Variants in CENPP observed in about 807,000 individuals in gnomAD.
CENPP encodes the protein centromere protein P.
CENPP carries 24 observed loss-of-function variants against 35.6 expected under a neutral mutation model. The observed-to-expected ratio is 0.67, with a 90% CI of 0.49 to 0.95. The LOEUF (loss-of-function observed/expected upper bound fraction) is 0.95, where lower values mean the gene tolerates loss of function less well. Among genes scored for constraint, CENPP ranks in the 40% least tolerant of loss-of-function variants. The probability of loss-of-function intolerance (pLI) is 0.00; values close to 1 mark genes in which losing one functional copy is unlikely to be tolerated. For missense variants in CENPP, 332 were observed against 345.3 expected (o/e 0.96, Z 0.31); for synonymous variants, 120 against 125.5 (o/e 0.96, Z 0.29).
intron 5 of CENPP, among the ~76,000 whole-genome samples, chr9:92,414,024 T>C (rs1205484467): frequency 6.6e-6 from 1 of 152,208 alleles, no homozygotes; most frequent in Non-Finnish European, 1.5e-5. Context: ...TTGTCCCTTA[T>C]CTGAGAAATT....
chr9:92,559,591 G>C (rs1195093567), intron 5 of CENPP, among the ~76,000 whole-genome samples: 3 of 152,274 alleles, frequency 2.0e-5, no homozygotes, highest in East Asian at 1.9e-4. Context: ...CAGGCCTCCA[G>C]ATGATGGTCT....
rs1397096135 is a variant in CENPP at position 92,614,914 on chromosome 9, C to G, written c.*1765C>G. 2.0e-5 allele frequency: 3 copies of G among 152,502 alleles called. No individual in the cohort carries two copies. Among genetic ancestry groups the G allele is most frequent in the Admixed American group, 1.3e-4 (2 of 15,280 alleles). The allele number at this position is 152,502 out of a possible 1,614,324, so 9.4% of individuals were successfully genotyped here. A position where few individuals can be genotyped will look rare whatever the true frequency, so the allele number is the denominator to read the frequency against. On this transcript the variant is annotated 3_prime_UTR_variant, in exon 8 of 8. Transcript: ENST00000375587. ...AGGGAGAGGCCACGGGGCCCAAAAA[C>G]GCAACACGTCTCAAGGCAAACCCGA...
chr9:92,517,897 A>C (rs1847824665), intron 5 of CENPP: 1 of 1,613,140 alleles, frequency 6.2e-7, no homozygotes, highest in Non-Finnish European at 8.5e-7. Context: ...CAAAAGCACA[A>C]ATTTAAATTT....
intron 5 of CENPP, among the ~76,000 whole-genome samples, chr9:92,492,722 C>T (rs1013467799): frequency 2.6e-5 from 4 of 152,162 alleles, no homozygotes; most frequent in Non-Finnish European, 5.9e-5. Flanking sequence ...GACTTTCCAT[C>T]CAAATTCTAA....
chr9:92,462,263 C>T (rs1845143185), intron 5 of CENPP, among the ~76,000 whole-genome samples: 1 of 152,230 alleles, frequency 6.6e-6, no homozygotes. Context: ...CAGGCATGAG[C>T]CACTGTGCCT....
chr9:92,368,286 G>A (rs1485957282), intron 4 of CENPP, among the ~76,000 whole-genome samples: 1 of 152,078 alleles, frequency 6.6e-6, no homozygotes, highest in East Asian at 1.9e-4. Context: ...TTACCTTCAA[G>A]ACCTGGACAC....
chr9:92,363,348 A>G (rs985737670), intron 4 of CENPP, among the ~76,000 whole-genome samples: 1 of 152,220 alleles, frequency 6.6e-6, no homozygotes, highest in African/African-American at 2.4e-5. Flanking sequence ...GACAGACTGC[A>G]TATACAAAGG....
intron 5 of CENPP, among the ~76,000 whole-genome samples, chr9:92,402,186 C>CT (rs1201208491): frequency 2.6e-5 from 4 of 151,962 alleles, no homozygotes; most frequent in Non-Finnish European, 4.4e-5. Flanking sequence ...TATGATGGGA[C>CT]TTTTTTTTCT....
chr9:92,404,727 T>C, intron 5 of CENPP: 1 of 1,082,122 alleles, frequency 9.2e-7, no homozygotes, highest in South Asian at 2.0e-5. Context: ...TGTGCTTAAG[T>C]TATTTGTTGT....
intron 5 of CENPP, among the ~76,000 whole-genome samples, chr9:92,531,620 C>A (rs749832542): frequency 6.6e-6 from 1 of 152,082 alleles, no homozygotes; most frequent in Non-Finnish European, 1.5e-5. Context: ...GCCATTAGTA[C>A]CTTCCTCCTA....
intron 5 of CENPP, chr9:92,517,406 C>T: frequency 1.8e-6 from 1 of 570,760 alleles, no homozygotes; most frequent in Non-Finnish European, 3.1e-6. Flanking sequence ...TGTAGAAATT[C>T]TGTTACCATA....
intron 5 of CENPP, among the ~76,000 whole-genome samples, chr9:92,395,479 G>T (rs189208349): frequency 6.6e-6 from 1 of 152,166 alleles, no homozygotes; most frequent in Non-Finnish European, 1.5e-5. Context: ...AAATTTATGT[G>T]TAAGTTTGTG....
At chr9:92,461,425 G>T (rs1222279260) in intron 5 of CENPP, among the ~76,000 whole-genome samples, 2 of 152,130 alleles carry the variant, frequency 1.3e-5, no homozygotes, top group Non-Finnish European at 2.9e-5. Flanking sequence ...AATACATTTG[G>T]TTCTTATCGC....
Position 92,573,744 on chromosome 9 carries a change from C to T in CENPP, c.565-37570C>T, listed in dbSNP as rs180746963. On this transcript the variant is annotated intron_variant, in intron 5 of 7. Coordinates refer to ENST00000375587, the MANE Select transcript of CENPP (RefSeq NM_001012267.3). The stretch of plus-strand genomic sequence containing the variant: ...AGGCCTACTGAGCTGCAGTGGGCTC[C>T]ACCCAGTTCGAGCTTCCCGGCTGCT... Among the ~76,000 whole-genome samples the T allele has an allele frequency of 3.1e-3, 474 of 152,356 alleles. 2 individuals carry two copies. Among genetic ancestry groups the T allele is most frequent in the African/African-American group, 0.011 (440 of 41,582 alleles).
chr9:92,429,594 C>G (rs577235489), intron 5 of CENPP, among the ~76,000 whole-genome samples: 65 of 152,262 alleles, frequency 4.3e-4, no homozygotes, highest in Non-Finnish European at 7.6e-4. Flanking sequence ...CCAGACTAGT[C>G]TGGCCAACAT....
intron 5 of CENPP, among the ~76,000 whole-genome samples, chr9:92,563,656 T>G (rs1281260133): frequency 6.6e-6 from 1 of 152,180 alleles, no homozygotes; most frequent in African/African-American, 2.4e-5. Flanking sequence ...AAACACTCAA[T>G]TATTTTGTTT....
intron 4 of CENPP, among the ~76,000 whole-genome samples, chr9:92,362,809 T>G (rs1432113684): frequency 6.6e-6 from 1 of 152,240 alleles, no homozygotes; most frequent in Non-Finnish European, 1.5e-5. Flanking sequence ...GCATTATGCT[T>G]AAGAAATAGA....
upstream of CENPP, chr9:92,325,793 G>A: frequency 3.7e-6 from 2 of 537,816 alleles, no homozygotes; most frequent in South Asian, 4.5e-5. Flanking sequence ...AAACGTGTGC[G>A]GGGAAGTGGA....
chr9:92,411,729 A>G (rs1012111839), intron 5 of CENPP, among the ~76,000 whole-genome samples: 7 of 152,258 alleles, frequency 4.6e-5, no homozygotes, highest in African/African-American at 9.6e-5. Flanking sequence ...AAGGGTTTTC[A>G]ATCTCTTAAA....
Sources: gnomAD v4.1 joint callset for allele counts (sites outside exome capture counted in the v4.1 genomes callset) on GRCh38, gnomAD v4.1.1 for gene constraint, MANE v1.5 for transcripts, NCBI Gene and HGNC (gene_info 2026-07-23, HGNC 2026-07-21) for gene names.